The following ELP4 variants were observed in gnomAD, a reference collection of about 807,000 sequenced individuals.
ELP4 encodes elongator acetyltransferase complex subunit 4, also known as elongator complex protein 4.
ELP4 carries 51 observed loss-of-function variants against 48.9 expected under a neutral mutation model. That is an observed-to-expected ratio of 1.04 (90% CI 0.83 to 1.32). The LOEUF is 1.32. ELP4 is among the 40% of genes most tolerant of loss of function. The pLI is 0.00. For missense variants in ELP4, 519 were observed against 514.6 expected, an observed-to-expected ratio of 1.01 and a Z score of -0.08; for synonymous variants, 210 against 189.2, an observed-to-expected ratio of 1.11 and a Z score of -0.90.
chr11:31,708,083 T>A (rs1420979443), intron 9 of ELP4, among the ~76,000 whole-genome samples: 3 of 152,226 alleles, frequency 2.0e-5, no homozygotes, highest in South Asian at 2.1e-4. Context: ...TTCAATTTTT[T>A]AAAAATATCA....
chr11:31,708,479 C>A (rs1946678897), intron 9 of ELP4, among the ~76,000 whole-genome samples: 2 of 152,114 alleles, frequency 1.3e-5, no homozygotes, highest in African/African-American at 4.8e-5. Context: ...AGTAACACCT[C>A]ATTCCCTGGC....
intron 3 of ELP4, among the ~76,000 whole-genome samples, chr11:31,544,643 G>A (rs1304314219): frequency 6.6e-6 from 1 of 152,232 alleles, no homozygotes; most frequent in Non-Finnish European, 1.5e-5. Flanking sequence ...GCTTTGAAGA[G>A]AGCAGAGGTT....
At chr11:31,778,326 C>G (rs914120575) in intron 9 of ELP4, among the ~76,000 whole-genome samples, 1 of 152,118 alleles carries the variant, frequency 6.6e-6, no homozygotes, top group Non-Finnish European at 1.5e-5. Context: ...TTGCACTTTG[C>G]TTTATATGTC....
intron 3 of ELP4, among the ~76,000 whole-genome samples, chr11:31,592,492 A>ATG (rs1957598196): frequency 6.7e-6 from 1 of 149,926 alleles, no homozygotes; most frequent in Non-Finnish European, 1.5e-5. Context: ...GTATATATAT[A>ATG]TGTGTGTATA....
rs1944877329 is a variant in ELP4 at position 31,632,287 on chromosome 11, G to C, written c.809G>C (p.Cys270Ser). ...TCACCTTTATGGGGAGACGATATTT[G>C]CTGTGCAGAAAATGGTGGCAACAGT... The part of the protein sequence containing the change: ...LGSPLWGDDI[C>S]CAENGGNSHS... Residue 270 changes from cysteine (C) to serine (S), a missense_variant, in exon 7 of 10, where the codon TGC (cysteine) becomes TCC (serine). Physicochemically the swap from Cys to Ser is moderately radical, Grantham distance 112. Coordinates refer to ENST00000640961, the MANE Select transcript of ELP4 (RefSeq NM_019040.5). The C allele has an allele frequency of 6.2e-7, 1 of 1,612,856 alleles. No individual in the cohort carries two copies. Among genetic ancestry groups the C allele is most frequent in the Non-Finnish European group, 8.5e-7 (1 of 1,179,458 alleles).
chr11:31,760,889 C>A (rs538527197), intron 9 of ELP4, among the ~76,000 whole-genome samples: 1 of 152,300 alleles, frequency 6.6e-6, no homozygotes, highest in East Asian at 1.9e-4. Context: ...TAATAATTCA[C>A]TGCTATTTCA....
intron 9 of ELP4, among the ~76,000 whole-genome samples, chr11:31,745,060 A>ATGTG (rs931946111): frequency 1.3e-5 from 2 of 152,232 alleles, no homozygotes; most frequent in Admixed American, 6.5e-5. Flanking sequence ...TACAAAATCA[A>ATGTG]TGTGCAAAAC....
intron 1 of ELP4, chr11:31,512,333 C>T (rs932601414): frequency 2.6e-5 from 4 of 152,020 alleles, no homozygotes; most frequent in South Asian, 2.1e-4. Flanking sequence ...GCCACCGTGA[C>T]GTCATTGTAA....
Position 31,726,241 on chromosome 11 carries a change from T to C in ELP4, c.1144-57152T>C, listed in dbSNP as rs540581662. 1.1e-4 allele frequency among the ~76,000 whole-genome samples: 16 copies of C among 152,226 alleles called. 1 individual carries two copies. The South Asian group carries it at 3.3e-3, about 32-fold the overall frequency. On this transcript the variant is annotated intron_variant, in intron 9 of 9. Coordinates refer to ENST00000640961, the MANE Select transcript of ELP4 (RefSeq NM_019040.5). Reference sequence around the variant, plus strand: ...GGTTATCAAGGACAGAATTGAAGACTATAAACATGAGTACAGTAGAAAGGC... The same window carrying C: ...GGTTATCAAGGACAGAATTGAAGACCATAAACATGAGTACAGTAGAAAGGC...
At chr11:31,693,852 C>G (rs550597220) in intron 9 of ELP4, among the ~76,000 whole-genome samples, 1 of 152,064 alleles carries the variant, frequency 6.6e-6, no homozygotes, top group Non-Finnish European at 1.5e-5. Context: ...ATGATCGCCA[C>G]TCTAACTGGT....
intron 9 of ELP4, among the ~76,000 whole-genome samples, chr11:31,700,144 T>A (rs1946491080): frequency 6.6e-6 from 1 of 152,178 alleles, no homozygotes; most frequent in East Asian, 1.9e-4. Flanking sequence ...ATAGGAATCA[T>A]GTCTGCTGCT....
At chr11:31,745,362 A>C (rs1388005480) in intron 9 of ELP4, among the ~76,000 whole-genome samples, 1 of 152,182 alleles carries the variant, frequency 6.6e-6, no homozygotes, top group Non-Finnish European at 1.5e-5. Context: ...GCTACCAATG[A>C]CTTTCTTCAC....
chr11:31,524,896 G>A (rs930966934), intron 2 of ELP4, among the ~76,000 whole-genome samples: 1 of 152,110 alleles, frequency 6.6e-6, no homozygotes, highest in Non-Finnish European at 1.5e-5. Flanking sequence ...GAGGTGGGAG[G>A]AGTGATTGAG....
At chr11:31,650,262 A>C in intron 9 of ELP4, 41 bp downstream of exon 9, 1 of 661,164 alleles carries the variant, frequency 1.5e-6, no homozygotes. Context: ...TCTTGAGATA[A>C]ACTTATTTTT....
chr11:31,690,796 CTT>C (rs10653769), intron 9 of ELP4, among the ~76,000 whole-genome samples: 68 of 109,584 alleles, frequency 6.2e-4, no homozygotes, highest in Non-Finnish European at 9.7e-4. Context: ...GTTTTTTTTC[CTT>C]TTTTTTTTTT....
intron 6 of ELP4, among the ~76,000 whole-genome samples, chr11:31,628,957 C>T (rs867366112): frequency 6.6e-6 from 1 of 151,828 alleles, no homozygotes; most frequent in African/African-American, 2.4e-5. Flanking sequence ...ATAAATGTTA[C>T]ATTTTTAAAG....
intron 5 of ELP4, among the ~76,000 whole-genome samples, chr11:31,609,162 A>C (rs1240995032): frequency 6.6e-6 from 1 of 152,140 alleles, no homozygotes; most frequent in Non-Finnish European, 1.5e-5. Flanking sequence ...TCTTGGCTGC[A>C]TTTAAAACAG....
At chr11:31,596,096 A>G (rs867606005) in intron 4 of ELP4, among the ~76,000 whole-genome samples, 3 of 152,038 alleles carry the variant, frequency 2.0e-5, no homozygotes, top group South Asian at 2.1e-4. Flanking sequence ...GTAGCACTTC[A>G]TATATTTTAA....
At chr11:31,516,563 G>A (rs575754913) in intron 1 of ELP4, among the ~76,000 whole-genome samples, 13 of 152,194 alleles carry the variant, frequency 8.5e-5, no homozygotes, top group African/African-American at 2.6e-4. Context: ...TGGTGCGAAC[G>A]CTGCTCACTG....
Sources: gnomAD v4.1 joint callset for allele counts (sites outside exome capture counted in the v4.1 genomes callset) on GRCh38, gnomAD v4.1.1 for gene constraint, MANE v1.5 for transcripts, NCBI Gene and HGNC (gene_info 2026-07-23, HGNC 2026-07-21) for gene names.